Variants in CPNE2 observed in about 807,000 individuals in gnomAD.
The protein encoded by CPNE2 is copine 2, also known as copine-2.
In CPNE2, 42 loss-of-function variants were observed where a neutral mutation model predicts 69.7. That is an observed-to-expected ratio of 0.60 (90% confidence interval 0.47 to 0.78). The LOEUF is 0.78. CPNE2 is among the 30% of genes least tolerant of loss of function. The probability of loss-of-function intolerance (pLI) is 0.00; values close to 1 mark genes in which losing one functional copy is unlikely to be tolerated. For missense variants in CPNE2, 587 were observed against 732.0 expected (o/e 0.80, Z 2.29); for synonymous variants, 294 against 289.8 (o/e 1.01, Z -0.15).
Position 57,110,945 on chromosome 16 carries a change from C to T in CPNE2, c.180+23C>T, listed in dbSNP as rs187509975. The T allele has an allele frequency of 5.0e-4, 806 of 1,597,914 alleles. 8 individuals carry two copies. In the African/African-American group the frequency reaches 5.5e-3, roughly 11 times the overall value. The stretch of plus-strand genomic sequence containing the variant: ...GAGGTGAGGCTCTTCCGTGTGTCTG[C>T]GGTGGGTAAGGGGGTGGCTAGGCTG... On this transcript the variant is annotated intron_variant, in intron 2 of 15. Transcript: ENST00000290776.
chr16:57,098,590 T>C (rs1162893122), intron 1 of CPNE2, among the ~76,000 whole-genome samples: 1 of 152,338 alleles, frequency 6.6e-6, no homozygotes, highest in East Asian at 1.9e-4. Flanking sequence ...TAAAGTCTTT[T>C]AGCTCTGAGA....
chr16:57,102,912 G>A (rs961417547), intron 1 of CPNE2, among the ~76,000 whole-genome samples: 10 of 151,946 alleles, frequency 6.6e-5, no homozygotes, highest in African/African-American at 2.4e-4. Flanking sequence ...CTCTCAATCA[G>A]TTTTAACCTC....
intron 1 of CPNE2, among the ~76,000 whole-genome samples, chr16:57,093,787 G>A (rs772178646): frequency 1.3e-5 from 2 of 152,192 alleles, no homozygotes; most frequent in South Asian, 2.1e-4. Context: ...AAGGTTGGGG[G>A]GCTTTTTCTG....
chr16:57,129,690 A>ATGCC lies in CPNE2; in HGVS notation c.1116+1790_1116+1793dup, dbSNP rs1894763846. Among the ~76,000 whole-genome samples the ATGCC allele has an allele frequency of 2.0e-5, 3 of 152,296 alleles. No homozygotes were observed. In the South Asian group the frequency reaches 6.2e-4, roughly 32 times the overall value. ...AAAAATTAGCCCAGCGTGGTGGCAC[A>ATGCC]TGCCTGTAATCCCAGCTACTTGGGA... On this transcript the variant is annotated intron_variant, in intron 12 of 15. Coordinates refer to ENST00000290776, the MANE Select transcript of CPNE2 (RefSeq NM_152727.6).
intron 3 of CPNE2, among the ~76,000 whole-genome samples, chr16:57,113,702 C>T (rs762064458): frequency 4.6e-5 from 7 of 152,208 alleles, no homozygotes; most frequent in African/African-American, 9.6e-5. Flanking sequence ...CCAGGGATTC[C>T]GATTGTTAGA....
At chr16:57,121,804 G>A (rs771332974) in intron 9 of CPNE2, 44 bp downstream of exon 9, 3 of 1,573,708 alleles carry the variant, frequency 1.9e-6, no homozygotes, top group Non-Finnish European at 1.7e-6. Flanking sequence ...CAGGTTTCAG[G>A]CCACACAGAA....
intron 12 of CPNE2, among the ~76,000 whole-genome samples, chr16:57,131,939 C>T (rs1254574612): frequency 6.6e-6 from 1 of 152,232 alleles, no homozygotes; most frequent in Non-Finnish European, 1.5e-5. Flanking sequence ...GGCCCTTCTT[C>T]CTGCCCAGAG....
intron 5 of CPNE2, among the ~76,000 whole-genome samples, chr16:57,118,113 C>A (rs1038979840): frequency 4.6e-5 from 7 of 152,022 alleles, no homozygotes; most frequent in African/African-American, 1.7e-4. Context: ...CTTCAATTTC[C>A]CACCCCCTCC....
At chr16:57,102,339 C>A (rs2069620198) in intron 1 of CPNE2, among the ~76,000 whole-genome samples, 1 of 152,148 alleles carries the variant, frequency 6.6e-6, no homozygotes, top group African/African-American at 2.4e-5. Context: ...ACCACAGGAG[C>A]CTCTGCTATC....
Position 57,136,641 on chromosome 16 carries a change from C to T in CPNE2, c.1169-508C>T, listed in dbSNP as rs1297422320. Reference sequence around the variant, plus strand: ...AGAAAGGCAGGATTTAGGCTGGACACGGTGACTCATGCCTGTAATCCCAGC... The same window carrying T: ...AGAAAGGCAGGATTTAGGCTGGACATGGTGACTCATGCCTGTAATCCCAGC... On this transcript the variant is annotated intron_variant, in intron 13 of 15. Transcript: ENST00000290776. 5.3e-5 allele frequency among the ~76,000 whole-genome samples: 8 copies of T among 152,212 alleles called. No homozygotes were observed. In the South Asian group the frequency reaches 6.2e-4, roughly 12 times the overall value.
chr16:57,140,447 C>A (rs965270455), intron 14 of CPNE2, among the ~76,000 whole-genome samples: 8 of 152,094 alleles, frequency 5.3e-5, no homozygotes, highest in African/African-American at 1.9e-4. Flanking sequence ...GCTGGGATTA[C>A]AGGTGTGAGC....
chr16:57,141,491 C>T (rs2069922422), intron 14 of CPNE2: 1 of 152,268 alleles, frequency 6.6e-6, no homozygotes, highest in Admixed American at 6.5e-5. Flanking sequence ...GGAGTGGGGC[C>T]AAGGGGCCTC....
At chr16:57,129,240 G>C (rs942671929) in intron 12 of CPNE2, 1 of 152,446 alleles carries the variant, frequency 6.6e-6, no homozygotes, top group Non-Finnish European at 1.5e-5. Context: ...GGACCACATA[G>C]GGGCTCATCA....
intron 1 of CPNE2, chr16:57,094,240 A>G: frequency 2.7e-6 from 1 of 369,372 alleles, no homozygotes; most frequent in Non-Finnish European, 5.4e-6. Context: ...CACCCCTTGG[A>G]CTTGGGGGGT....
intron 8 of CPNE2, 119 bp downstream of exon 8, chr16:57,121,310 C>T: frequency 1.3e-6 from 1 of 764,996 alleles, no homozygotes; most frequent in Non-Finnish European, 2.1e-6. Context: ...TGACCTTGAG[C>T]AAGGCATTCA....
Position 57,146,311 on chromosome 16 carries a change from A to C in CPNE2, c.1529A>C (p.Glu510Ala). ...RDIVQFVPFR[E>A]FRNAAKETLA... ...ATTGTGCAGTTCGTTCCCTTTCGAGAGTTCCGCAACGTGAGTGTGGGCCTG... is the reference window on the plus strand; with the variant it reads ...ATTGTGCAGTTCGTTCCCTTTCGAGCGTTCCGCAACGTGAGTGTGGGCCTG... Residue 510 changes from glutamate to alanine, a missense_variant, in exon 15 of 16, where the codon GAG becomes GCG. Physicochemically the swap from Glu to Ala is moderately radical, Grantham distance 107 (BLOSUM62 -1). Coordinates refer to ENST00000290776, the MANE Select transcript of CPNE2 (RefSeq NM_152727.6). This position sits in a 1 kb window ranked among gnomAD's most constrained non-coding sequence, Gnocchi z 4.4. 1 of 1,550,696 alleles carries C rather than the reference A, an allele frequency of 6.4e-7. No homozygotes were observed. The highest frequency in any genetic ancestry group is 8.7e-7 in the Non-Finnish European group (1 of 1,145,566).
At chr16:57,098,151 G>A (rs115898748) in intron 1 of CPNE2, among the ~76,000 whole-genome samples, 3,656 of 152,284 alleles carry the variant, frequency 0.024, 131 homozygotes, top group African/African-American at 0.083. Context: ...GTGATTAAGC[G>A]GGCACTACAG....
chr16:57,113,148 A>G (rs1270243467), intron 2 of CPNE2, 140 bp from the exon 3 acceptor site: 2 of 724,130 alleles, frequency 2.8e-6, no homozygotes, highest in African/African-American at 3.5e-5. Context: ...TGAGCTGGGG[A>G]TAGTGAGTCA....
At chr16:57,125,595 A>G in intron 10 of CPNE2, 3 of 499,034 alleles carry the variant, frequency 6.0e-6, no homozygotes, top group East Asian at 3.8e-5. Context: ...AAGGAGAAAA[A>G]GGAATCTGGG....
Sources: allele counts gnomAD v4.1 joint callset (sites outside exome capture counted in the v4.1 genomes callset), GRCh38; gene constraint gnomAD v4.1.1; non-coding constraint Gnocchi (gnomAD v3.1); transcripts MANE v1.5; gene names NCBI Gene and HGNC (gene_info 2026-07-23, HGNC 2026-07-21).